The following CREB5 variants were observed in gnomAD, a reference collection of about 807,000 sequenced individuals.
CREB5 encodes the protein cAMP responsive element binding protein 5, also known as cyclic AMP-responsive element-binding protein 5.
A neutral mutation model predicts 57.1 loss-of-function variants in CREB5; 19 were observed. That is an observed-to-expected ratio of 0.33 (90% CI 0.23 to 0.49). The LOEUF (loss-of-function observed/expected upper bound fraction) is 0.49, where lower values mean the gene tolerates loss of function less well. CREB5 is among the 20% of genes least tolerant of loss of function. The probability of loss-of-function intolerance (pLI) is 0.99; values close to 1 mark genes in which losing one functional copy is unlikely to be tolerated. For missense variants in CREB5, 579 were observed against 671.6 expected (o/e 0.86, Z 1.52); for synonymous variants, 238 against 238.3 (o/e 1.00, Z 0.01).
At chr7:28,493,848 T>G (rs576265845) in intron 2 of CREB5, among the ~76,000 whole-genome samples, 1 of 152,182 alleles carries the variant, frequency 6.6e-6, no homozygotes, top group African/African-American at 2.4e-5. Flanking sequence ...CATAGAATAC[T>G]AAAAATAATT....
At chr7:28,578,170 T>C (rs953163254) in intron 5 of CREB5, among the ~76,000 whole-genome samples, 1 of 152,192 alleles carries the variant, frequency 6.6e-6, no homozygotes. Flanking sequence ...TAAGGTGCCA[T>C]GTGAGTGAAT....
At chr7:28,628,970 C>T (rs564100671) in intron 5 of CREB5, among the ~76,000 whole-genome samples, 1 of 152,254 alleles carries the variant, frequency 6.6e-6, no homozygotes, top group African/African-American at 2.4e-5. Flanking sequence ...TTCTCCCCCA[C>T]GTCCCCTCTT....
At chr7:28,674,942 C>A (rs7791625) in intron 5 of CREB5, among the ~76,000 whole-genome samples, 1 of 152,134 alleles carries the variant, frequency 6.6e-6, no homozygotes. Context: ...CCGCTTTTCC[C>A]TCTCTTTCTC....
intron 4 of CREB5, among the ~76,000 whole-genome samples, chr7:28,560,868 G>A (rs1416662566): frequency 2.6e-5 from 1 of 38,160 alleles, no homozygotes; most frequent in African/African-American, 1.1e-4. Context: ...GCGTGTGCCT[G>A]CGTGCGCGTG....
intron 6 of CREB5, among the ~76,000 whole-genome samples, chr7:28,720,644 C>A (rs976291941): frequency 6.6e-6 from 1 of 152,294 alleles, no homozygotes; most frequent in East Asian, 1.9e-4. Flanking sequence ...CTTTGCAACA[C>A]TGGGCCAGAG....
chr7:28,491,909 A>G (rs1791824903), intron 2 of CREB5, among the ~76,000 whole-genome samples: 1 of 152,216 alleles, frequency 6.6e-6, no homozygotes, highest in African/African-American at 2.4e-5. Flanking sequence ...GGGTGAAGAA[A>G]TGATTTTTTT....
At chr7:28,418,772 C>T (rs960896659) in intron 1 of CREB5, among the ~76,000 whole-genome samples, 2 of 152,156 alleles carry the variant, frequency 1.3e-5, no homozygotes, top group African/African-American at 4.8e-5. Context: ...AGGCATCCTG[C>T]TCATTGATTA....
intron 1 of CREB5, among the ~76,000 whole-genome samples, chr7:28,400,855 A>C (rs1220388594): frequency 6.6e-6 from 1 of 152,234 alleles, no homozygotes; most frequent in Non-Finnish European, 1.5e-5. Flanking sequence ...ATACAAAAAG[A>C]AGTGCTATGT....
chr7:28,373,116 C>T (rs911385729), intron 1 of CREB5, among the ~76,000 whole-genome samples: 1 of 152,114 alleles, frequency 6.6e-6, no homozygotes, highest in Admixed American at 6.5e-5. Flanking sequence ...CTTTTATCTG[C>T]GACTAAGTCC....
intron 1 of CREB5, among the ~76,000 whole-genome samples, chr7:28,325,407 A>T (rs1053158438): frequency 1.3e-5 from 2 of 151,874 alleles, no homozygotes; most frequent in Admixed American, 1.3e-4. Context: ...GTGAGCCAAG[A>T]TCGTGCCACT....
intron 5 of CREB5, among the ~76,000 whole-genome samples, chr7:28,629,832 C>G (rs1005938530): frequency 3.0e-4 from 45 of 152,344 alleles, no homozygotes; most frequent in Middle Eastern, 6.8e-3. Context: ...TGTCCACCCT[C>G]AAAGAAGCTT....
intron 7 of CREB5, among the ~76,000 whole-genome samples, chr7:28,771,543 G>A (rs6974398): frequency 0.66 from 99,984 of 151,840 alleles, 33,405 homozygotes; most frequent in East Asian, 0.83. Context: ...GAACACATGA[G>A]ATGGTTCTTA....
chr7:28,818,007 C>A, intron 9 of CREB5, 64 bp from the exon 10 acceptor site: 3 of 1,244,898 alleles, frequency 2.4e-6, no homozygotes, highest in South Asian at 1.3e-5. Flanking sequence ...GTTGAAAGTG[C>A]ACAGGGCTGT....
At chr7:28,380,075 A>G (rs1211250842) in intron 1 of CREB5, among the ~76,000 whole-genome samples, 2 of 145,644 alleles carry the variant, frequency 1.4e-5, no homozygotes, top group African/African-American at 2.4e-5. Flanking sequence ...TTAACAAGCA[A>G]TGTAGGTGAT....
intron 4 of CREB5, among the ~76,000 whole-genome samples, chr7:28,568,729 C>G (rs183941024): frequency 3.3e-4 from 50 of 152,248 alleles, no homozygotes; most frequent in African/African-American, 1.1e-3. Context: ...GCCAGGTGCC[C>G]AGTTTCCATC....
chr7:28,635,677 CTA>C (rs1251977376), intron 5 of CREB5, among the ~76,000 whole-genome samples: 5 of 152,212 alleles, frequency 3.3e-5, no homozygotes, highest in Admixed American at 3.3e-4. Context: ...CATCATCTAT[CTA>C]TGTTAATTTT....
chr7:28,800,063 T>A (rs916877052), intron 7 of CREB5, among the ~76,000 whole-genome samples: 3 of 152,220 alleles, frequency 2.0e-5, no homozygotes, highest in Non-Finnish European at 4.4e-5. Context: ...CTAACATGGT[T>A]TCTGCTCTAA....
intron 1 of CREB5, among the ~76,000 whole-genome samples, chr7:28,348,403 C>CTT (rs1358067220): frequency 0.026 from 975 of 37,052 alleles, 4 homozygotes; most frequent in Admixed American, 0.053. Flanking sequence ...CTCTGTCTCT[C>CTT]TCTCTCACAC....
In CREB5 at chr7:28,319,616, C is replaced by T. The variant is rs915762350; in HGVS notation, c.-25+20175C>T. On this transcript the variant is annotated intron_variant, in intron 1 of 9. Coordinates refer to the CREB5 transcript ENST00000396299. ...TGAAGGTGGATGCAGGTGACTCCTC[C>T]GCTCTACCCATGCTCACAGCCCAGC... Among the ~76,000 whole-genome samples, 24 of 152,234 alleles carry T rather than the reference C, an allele frequency of 1.6e-4. 1 individual carries two copies. The highest frequency in any genetic ancestry group is 3.9e-4 in the African/African-American group (16 of 41,536).
Sources: gnomAD v4.1 joint callset for allele counts (sites outside exome capture counted in the v4.1 genomes callset) on GRCh38, gnomAD v4.1.1 for gene constraint, MANE v1.5 for transcripts, NCBI Gene and HGNC (gene_info 2026-07-23, HGNC 2026-07-21) for gene names.